TBC1D1: variants seen among roughly 807,000 people sequenced by gnomAD.
TBC1D1 encodes TBC1 domain family member 1.
Under a neutral mutation model 125.6 loss-of-function variants are expected in TBC1D1, and 89 were observed. That is an observed-to-expected ratio of 0.71 (90% CI 0.60 to 0.85). The LOEUF is 0.85. Ranked by LOEUF, TBC1D1 falls within the 40% of genes least tolerant of loss-of-function variation. The probability of loss-of-function intolerance (pLI) is 0.00; values close to 1 mark genes in which losing one functional copy is unlikely to be tolerated. For synonymous variants in TBC1D1, 565 were observed against 564.1 expected (o/e 1.00, Z -0.02); for missense variants, 1,377 against 1,469.2 (o/e 0.94, Z 1.03).
intron 2 of TBC1D1, among the ~76,000 whole-genome samples, chr4:37,922,939 G>A (rs993820597): frequency 2.6e-5 from 4 of 152,064 alleles, no homozygotes; most frequent in Admixed American, 6.6e-5. Context: ...CTAATGGATG[G>A]GGTGGCAAAG....
chr4:38,071,782 A>G (rs1754751912), intron 12 of TBC1D1, among the ~76,000 whole-genome samples: 1 of 152,234 alleles, frequency 6.6e-6, no homozygotes, highest in Non-Finnish European at 1.5e-5. Flanking sequence ...GTGGAGCTCA[A>G]TAAATTCTAC....
chr4:38,017,870 G>A (rs1339657365), intron 3 of TBC1D1, among the ~76,000 whole-genome samples: 1 of 152,222 alleles, frequency 6.6e-6, no homozygotes, highest in Non-Finnish European at 1.5e-5. Context: ...AAGGCAGTAA[G>A]AGGATTGTAA....
chr4:38,090,263 A>G (rs1758210319), intron 13 of TBC1D1, 146 bp downstream of exon 15: 2 of 741,236 alleles, frequency 2.7e-6, no homozygotes. Context: ...ACTTTTTCAG[A>G]GTAATATTAA....
chr4:38,133,375 C>A (rs918112864), intron 19 of TBC1D1, 118 bp downstream of exon 21: 1 of 869,614 alleles, frequency 1.1e-6, no homozygotes, highest in Non-Finnish European at 1.8e-6. Context: ...CCACCCTGAT[C>A]TGTTTATAGT....
chr4:37,940,017 G>A (rs1043528254), intron 2 of TBC1D1, among the ~76,000 whole-genome samples: 1 of 152,092 alleles, frequency 6.6e-6, no homozygotes, highest in Admixed American at 6.5e-5. Flanking sequence ...CTCTTTTTTG[G>A]TTCCATATGA....
At chr4:37,901,221 A>G (rs934317264) in intron 1 of TBC1D1, among the ~76,000 whole-genome samples, 1 of 151,928 alleles carries the variant, frequency 6.6e-6, no homozygotes, top group African/African-American at 2.4e-5. Context: ...CAGTGGCACA[A>G]TCTTGGCTTG....
Position 38,137,553 on chromosome 4 carries a change from C to A in TBC1D1, c.*218C>A. On this transcript the variant is annotated 3_prime_UTR_variant, in exon 20 of 20. Coordinates refer to ENST00000261439, the MANE Select transcript of TBC1D1 (RefSeq NM_015173.4). The stretch of plus-strand genomic sequence containing the variant: ...TTTTAGATACTAAATCGTCCCTTCT[C>A]CAGTCCTGATTACTGTACACAGTAG... 1 of 536,092 alleles carries A rather than the reference C, an allele frequency of 1.9e-6. No individual in the cohort carries two copies. The highest frequency in any genetic ancestry group is 2.9e-6 in the Non-Finnish European group (1 of 339,434). 33.2% of individuals were successfully genotyped at this position (536,092 alleles called of 1,614,324 possible).
At chr4:37,914,351 GTCT>G (rs1219937573) in intron 2 of TBC1D1, among the ~76,000 whole-genome samples, 4 of 152,148 alleles carry the variant, frequency 2.6e-5, no homozygotes, top group African/African-American at 9.7e-5. Flanking sequence ...TTCTTTCCCA[GTCT>G]TCTTCTATAG....
chr4:37,913,091 C>T (rs1718955649), intron 2 of TBC1D1, among the ~76,000 whole-genome samples: 1 of 152,150 alleles, frequency 6.6e-6, no homozygotes, highest in South Asian at 2.1e-4. Context: ...TAGGAAGTAG[C>T]TTGTTCTTGC....
intron 2 of TBC1D1, among the ~76,000 whole-genome samples, chr4:37,920,937 T>C (rs948417997): frequency 3.3e-5 from 5 of 151,732 alleles, no homozygotes; most frequent in Non-Finnish European, 5.9e-5. Flanking sequence ...GGTGAAACCC[T>C]GTCTCTACTA....
intron 17 of TBC1D1, chr4:38,118,452 T>C: frequency 2.2e-6 from 1 of 448,134 alleles, no homozygotes; most frequent in Non-Finnish European, 4.0e-6. Flanking sequence ...TCGCTCACCA[T>C]GAGGGTCTCC....
chr4:37,995,136 A>G lies in TBC1D1; in HGVS notation c.418-19373A>G, dbSNP rs1485547873. Among the ~76,000 whole-genome samples the G allele has an allele frequency of 6.6e-6, 1 of 152,170 alleles. No individual in the cohort carries two copies. The highest frequency in any genetic ancestry group is 6.5e-5 in the Admixed American group (1 of 15,274). On this transcript the variant is annotated intron_variant, in intron 2 of 19. Coordinates refer to ENST00000261439, the MANE Select transcript of TBC1D1 (RefSeq NM_015173.4). This position sits in a 1 kb window ranked among gnomAD's most constrained non-coding sequence, Gnocchi z 4.3. ...AGTACTGCAGTTTGTTTCCTTCGAT[A>G]CTGACACAACAGCCCTCGGGAAACT...
chr4:38,044,489 G>T lies in TBC1D1; in HGVS notation c.1541G>T (p.Arg514Leu). ...GAGTCTTTAGAAAGTATTTTGTCCC[G>T]GGTAAGTAGCATAATTTCTCCTGAT... The change falls in exon 9 of 20, where the codon CGG becomes CTG. Residue 514 changes from arginine (R) to leucine (L), a missense_variant and splice_region_variant. Around this residue, in one of 3 missense-constraint regions of TBC1D1, gnomAD observed 822 missense variants for 824.6 expected, o/e 1.00. Coordinates refer to ENST00000261439, the MANE Select transcript of TBC1D1 (RefSeq NM_015173.4). The T allele has an allele frequency of 1.2e-6, 2 of 1,604,230 alleles. No homozygotes were observed. The highest frequency in any genetic ancestry group is 1.7e-6 in the Non-Finnish European group (2 of 1,177,536).
At chr4:38,135,356 AAC>A (rs1320082969) in intron 19 of TBC1D1, among the ~76,000 whole-genome samples, 1 of 152,208 alleles carries the variant, frequency 6.6e-6, no homozygotes, top group African/African-American at 2.4e-5. Flanking sequence ...TGCCAGATGG[AAC>A]CAAATAATAA....
chr4:37,954,422 C>T (rs1398808118), intron 2 of TBC1D1, among the ~76,000 whole-genome samples: 1 of 151,606 alleles, frequency 6.6e-6, no homozygotes, highest in Non-Finnish European at 1.5e-5. Context: ...TACTATGTGC[C>T]AACTCATGAG....
intron 17 of TBC1D1, chr4:38,119,856 C>T (rs777557957): frequency 1.7e-4 from 112 of 668,322 alleles, no homozygotes; most frequent in Admixed American, 1.3e-4. Flanking sequence ...CCAGGCTGAC[C>T]ACAGACTGGA....
chr4:38,100,359 C>T (rs1578704928), intron 14 of TBC1D1, among the ~76,000 whole-genome samples: 2 of 152,202 alleles, frequency 1.3e-5, no homozygotes, highest in Admixed American at 6.5e-5. Flanking sequence ...TGGTGTCTGT[C>T]AGCTTCCTAG....
At chr4:38,004,667 T>TA (rs780286888) in intron 2 of TBC1D1, among the ~76,000 whole-genome samples, 1 of 152,134 alleles carries the variant, frequency 6.6e-6, no homozygotes, top group Non-Finnish European at 1.5e-5. Context: ...TGATCCCACT[T>TA]AAAAAAATTG....
rs968263850 is a variant in TBC1D1, at chr4:38,105,709, A to G, written c.2557+2552A>G. Among the ~76,000 whole-genome samples the G allele has an allele frequency of 5.3e-5, 8 of 152,146 alleles. No individual in the cohort carries two copies. The East Asian group carries it at 1.5e-3, about 29-fold the overall frequency. ...TGTGATGCTTGGTTTCTGTTTCTGA[A>G]TTAGTTTGCTTAGGGTAATGACCTG... On this transcript the variant is annotated intron_variant, in intron 15 of 19. Coordinates refer to ENST00000261439, the MANE Select transcript of TBC1D1 (RefSeq NM_015173.4).
Sources: allele counts gnomAD v4.1 joint callset (sites outside exome capture counted in the v4.1 genomes callset), GRCh38; gene constraint gnomAD v4.1.1; regional missense constraint gnomAD v4.1.1; non-coding constraint Gnocchi (gnomAD v3.1); transcripts MANE v1.5; gene names NCBI Gene and HGNC (gene_info 2026-07-23, HGNC 2026-07-21).